Variants in ATL2 observed in about 807,000 individuals in gnomAD.
ATL2 encodes the protein atlastin GTPase 2.
In ATL2, 31 loss-of-function variants were observed where a neutral mutation model predicts 73.9. That is an observed-to-expected ratio of 0.42 (90% CI 0.32 to 0.57). The LOEUF is 0.57. ATL2 is among the 20% of genes least tolerant of loss of function. The probability of loss-of-function intolerance (pLI) is 0.14; values close to 1 mark genes in which losing one functional copy is unlikely to be tolerated. For synonymous variants in ATL2, 291 were observed against 237.5 expected, an observed-to-expected ratio of 1.23 and a Z score of -2.07; for missense variants, 738 against 702.6, an observed-to-expected ratio of 1.05 and a Z score of -0.57.
At chr2:38,360,033 G>C (rs1158524602) in intron 1 of ATL2, among the ~76,000 whole-genome samples, 1 of 149,014 alleles carries the variant, frequency 6.7e-6, no homozygotes. Flanking sequence ...GGGAGGCTGA[G>C]ACACGAGAAT....
chr2:38,365,261 C>T (rs867123064), intron 1 of ATL2, among the ~76,000 whole-genome samples: 46 of 151,884 alleles, frequency 3.0e-4, no homozygotes, highest in African/African-American at 1.0e-3. Flanking sequence ...GCTACTATGA[C>T]AAATTTCAAA....
intron 2 of ATL2, among the ~76,000 whole-genome samples, chr2:38,325,693 CACCAGTA>C (rs1668591579): frequency 3.3e-5 from 2 of 60,586 alleles, no homozygotes; most frequent in Admixed American, 1.9e-4. Flanking sequence ...CACACACACA[CACCAGTA>C]CACACACACA....
At chr2:38,355,510 A>G (rs1055649285) in intron 1 of ATL2, among the ~76,000 whole-genome samples, 1 of 152,198 alleles carries the variant, frequency 6.6e-6, no homozygotes. Flanking sequence ...CTATACAGAC[A>G]TTAATCATAA....
At chr2:38,328,558 TAAAAC>T (rs1477352893) in intron 2 of ATL2, among the ~76,000 whole-genome samples, 5 of 152,260 alleles carry the variant, frequency 3.3e-5, no homozygotes, top group African/African-American at 1.2e-4. Context: ...AGTTGGAGTT[TAAAAC>T]AACTCACCTC....
chr2:38,336,777 G>T (rs1028498216), intron 2 of ATL2, among the ~76,000 whole-genome samples: 3 of 152,072 alleles, frequency 2.0e-5, no homozygotes, highest in Non-Finnish European at 4.4e-5. Flanking sequence ...GGTTATTTCT[G>T]AATACTAAGT....
intron 2 of ATL2, among the ~76,000 whole-genome samples, chr2:38,334,914 AAATATATTTATATAT>A (rs1669254000): frequency 7.2e-6 from 1 of 138,106 alleles, no homozygotes; most frequent in African/African-American, 2.7e-5. Context: ...TATAATATAT[AAATATATTTATATAT>A]TATAATATAT....
chr2:38,314,415 AT>A (rs1296265736), intron 6 of ATL2, among the ~76,000 whole-genome samples, 192 bp downstream of exon 6: 3 of 145,878 alleles, frequency 2.1e-5, no homozygotes, highest in African/African-American at 8.0e-5. Flanking sequence ...GCCTAGATTC[AT>A]TTATTCTATT....
At chr2:38,366,210 A>G (rs892444496) in intron 1 of ATL2, among the ~76,000 whole-genome samples, 2 of 152,130 alleles carry the variant, frequency 1.3e-5, no homozygotes, top group African/African-American at 4.8e-5. Context: ...TAGTAAATAA[A>G]CACACACGCT....
At chr2:38,362,830 A>T (rs2124473037) in intron 1 of ATL2, among the ~76,000 whole-genome samples, 1 of 152,328 alleles carries the variant, frequency 6.6e-6, no homozygotes, top group East Asian at 1.9e-4. Context: ...AAAGCGAGCC[A>T]AGGGAAATGG....
intron 6 of ATL2, 46 bp from the exon 7 acceptor site, chr2:38,313,289 AT>A: frequency 1.4e-6 from 2 of 1,426,672 alleles, no homozygotes; most frequent in Non-Finnish European, 9.6e-7. Flanking sequence ...AATAAAGAAA[AT>A]TTACGAAAAA....
intron 2 of ATL2, among the ~76,000 whole-genome samples, chr2:38,332,039 T>A (rs1430081176): frequency 1.3e-5 from 2 of 152,072 alleles, no homozygotes; most frequent in African/African-American, 4.8e-5. Context: ...CCTGAAAACA[T>A]TATGCTAAGT....
chr2:38,317,416 A>G (rs1668083982), intron 4 of ATL2, among the ~76,000 whole-genome samples: 2 of 152,218 alleles, frequency 1.3e-5, no homozygotes, highest in Admixed American at 1.3e-4. Context: ...CAATCCATCT[A>G]AATTATACAG....
intron 2 of ATL2, among the ~76,000 whole-genome samples, chr2:38,339,769 C>A (rs948279572): frequency 3.3e-5 from 5 of 152,142 alleles, no homozygotes; most frequent in Non-Finnish European, 7.3e-5. Flanking sequence ...CGGCTCACTG[C>A]AACCTCCACC....
At chr2:38,308,220 G>A (rs909911475) in intron 9 of ATL2, among the ~76,000 whole-genome samples, 8 of 152,098 alleles carry the variant, frequency 5.3e-5, no homozygotes, top group South Asian at 2.1e-4. Flanking sequence ...ATCAATATAC[G>A]AATGGATAAA....
chr2:38,377,411 C>A, upstream of ATL2: 1 of 580,834 alleles, frequency 1.7e-6, no homozygotes, highest in South Asian at 2.2e-5. Flanking sequence ...TCGCCCTCCG[C>A]CTGTATCTCC....
At position 38,328,968 on chromosome 2, in the gene ATL2, C is replaced by G. The variant is rs186028913; in HGVS notation, c.364-9949G>C. ...GATAAGACAAACTAGTATCAGAAAT[C>G]AAAGAAGAATCTTCATTACTAATTC... On this transcript the variant is annotated intron_variant, in intron 2 of 12. Transcript: ENST00000378954. Among the ~76,000 whole-genome samples, 89 of 151,496 alleles carry G rather than the reference C, an allele frequency of 5.9e-4. 2 individuals are homozygous for G. The highest frequency in any genetic ancestry group is 4.1e-3 in the Admixed American group (63 of 15,208).
In ATL2 at chr2:38,314,595, A is replaced by G. The variant is rs763605371; in HGVS notation, c.711+13T>C. 1.3e-6 allele frequency: 2 copies of G among 1,582,184 alleles called. No homozygotes were observed. Among genetic ancestry groups the G allele is most frequent in the South Asian group, 1.1e-5 (1 of 89,958 alleles). ...ATAGGCTAATCTTTAAAATGTTAGA[A>G]TAACTTTTTTACCTGAAATGGTTTC... is the stretch of plus-strand genomic sequence containing the variant. On this transcript the variant is annotated intron_variant, in intron 6 of 12. Transcript: ENST00000378954.
intron 2 of ATL2, among the ~76,000 whole-genome samples, chr2:38,321,884 G>C (rs554842798): frequency 6.6e-6 from 1 of 151,646 alleles, no homozygotes; most frequent in Non-Finnish European, 1.5e-5. Flanking sequence ...GGCTGATTTT[G>C]GTATTTTTTG....
In ATL2 at chr2:38,343,336, C is replaced by T; in HGVS notation, c.295G>A (p.Val99Met). The change falls in exon 2 of 13, where the codon GTG becomes ATG. Residue 99 changes from valine (V) to methionine (M), a missense_variant. Physicochemically the swap from Val to Met is conservative, Grantham distance 21. Transcript: ENST00000378954. Reference protein sequence around the residue: ...IRDLNIVVVSVAGAFRKGKSF... With the variant: ...IRDLNIVVVSMAGAFRKGKSF... ...TTCCCTTTACGAAAAGCTCCTGCCA[C>T]AGATACCACTACTATGTTAAGATCT... 6.2e-7 allele frequency: 1 copy of T among 1,611,454 alleles called. No homozygotes were observed. Among genetic ancestry groups the T allele is most frequent in the South Asian group, 1.1e-5 (1 of 90,844 alleles).
Sources: gnomAD v4.1 joint callset for allele counts (sites outside exome capture counted in the v4.1 genomes callset) on GRCh38, gnomAD v4.1.1 for gene constraint, MANE v1.5 for transcripts, NCBI Gene and HGNC (gene_info 2026-07-23, HGNC 2026-07-21) for gene names.